Variants in OPA1 observed in about 807,000 individuals in gnomAD.
The protein encoded by OPA1 is OPA1 mitochondrial dynamin like GTPase, also known as dynamin-like GTPase OPA1, mitochondrial.
OPA1 carries 59 observed loss-of-function variants against 152.9 expected under a neutral mutation model. The observed-to-expected ratio is 0.39, with a 90% CI of 0.31 to 0.48. OPA1 has a LOEUF of 0.48. OPA1 is among the 20% of genes least tolerant of loss of function. The pLI is 0.96. For missense variants in OPA1, 1,008 were observed against 1,216.8 expected (o/e 0.83, Z 2.55); for synonymous variants, 400 against 389.9 (o/e 1.03, Z -0.31).
intron 11 of OPA1, among the ~76,000 whole-genome samples, chr3:193,642,234 G>C (rs927724470): frequency 3.3e-5 from 5 of 152,158 alleles, no homozygotes; most frequent in Non-Finnish European, 7.4e-5. Flanking sequence ...CCTAGGTTTT[G>C]TCACTCTCTT....
intron 29 of OPA1, among the ~76,000 whole-genome samples, chr3:193,674,044 C>T (rs1718483292): frequency 6.6e-6 from 1 of 152,250 alleles, no homozygotes; most frequent in Admixed American, 6.5e-5. Context: ...GGGCTCGCAG[C>T]AGCGTGCTCG....
chr3:193,662,878 G>A lies in OPA1; in HGVS notation c.2577G>A (p.Glu859=), dbSNP rs752852244. The A allele has an allele frequency of 6.2e-7, 1 of 1,613,228 alleles. No individual in the cohort carries two copies. The highest frequency in any genetic ancestry group is 8.5e-7 in the Non-Finnish European group (1 of 1,179,252). The change falls in exon 26 of 31, where the codon GAG becomes GAA. Residue 859 remains glutamate, a synonymous_variant. Coordinates refer to ENST00000361510, the MANE Select transcript of OPA1 (RefSeq NM_130837.3). ...ELEKMLKCNE[E]HPAYLASDEI... ...AGAAGATGTTGAAATGTAATGAGGA[G>A]CACCCAGCTTATCTTGCAAGTGATG...
Position 193,593,344 on chromosome 3 carries a change from G to C in OPA1, c.-34G>C. 1 of 1,539,524 alleles carries C rather than the reference G, an allele frequency of 6.5e-7. No homozygotes were observed. The highest frequency in any genetic ancestry group is 8.8e-7 in the Non-Finnish European group (1 of 1,141,504). ...CTCACACGGGGGCTCCCGCGTGGCC[G>C]TCTCGGCGCCTGCGTGACCTCCCCG... On this transcript the variant is annotated 5_prime_UTR_variant, in exon 1 of 31. Transcript: ENST00000361510.
At chr3:193,676,538 C>T (rs905534546) in intron 29 of OPA1, among the ~76,000 whole-genome samples, 3 of 152,226 alleles carry the variant, frequency 2.0e-5, no homozygotes, top group African/African-American at 7.2e-5. Context: ...GGAAAGTCCT[C>T]TCTGTTAGAG....
chr3:193,608,392 G>C (rs948772071), intron 1 of OPA1, among the ~76,000 whole-genome samples: 18 of 152,066 alleles, frequency 1.2e-4, no homozygotes, highest in Non-Finnish European at 1.9e-4. Flanking sequence ...CAGAGATTCT[G>C]GTATGTTGTG....
At chr3:193,599,500 A>G (rs1431204838) in intron 1 of OPA1, among the ~76,000 whole-genome samples, 1 of 151,654 alleles carries the variant, frequency 6.6e-6, no homozygotes, top group East Asian at 1.9e-4. Context: ...TTTGAACCAC[A>G]GCAAGGTGCA....
intron 18 of OPA1, 60 bp from the exon 19 acceptor site, chr3:193,647,005 G>A: frequency 9.4e-7 from 1 of 1,062,208 alleles, no homozygotes; most frequent in Non-Finnish European, 1.4e-6. Context: ...CTTGGTGGTA[G>A]TATTGTTGTC....
At chr3:193,631,788 A>G (rs1395883996) in intron 8 of OPA1, 123 bp downstream of exon 8, 1 of 774,210 alleles carries the variant, frequency 1.3e-6, no homozygotes, top group Non-Finnish European at 2.3e-6. Context: ...ATAGAACCTT[A>G]TTATTATCGA....
intron 24 of OPA1, 76 bp downstream of exon 24, chr3:193,659,071 A>G: frequency 1.0e-6 from 1 of 972,892 alleles, no homozygotes; most frequent in Non-Finnish European, 1.7e-6. Context: ...GAACATTTGT[A>G]GAAATAGATT....
intron 8 of OPA1, 59 bp downstream of exon 8, chr3:193,631,724 T>G: frequency 7.1e-7 from 1 of 1,410,288 alleles, no homozygotes; most frequent in Non-Finnish European, 1.0e-6. Flanking sequence ...GAATGTAACT[T>G]TGGTGATATG....
chr3:193,613,036 A>G (rs1330473936), intron 1 of OPA1, among the ~76,000 whole-genome samples: 2 of 152,212 alleles, frequency 1.3e-5, no homozygotes, highest in African/African-American at 4.8e-5. Context: ...TTTTTCTTCA[A>G]ATCCCACTTC....
chr3:193,637,035 T>A (rs1282069613), intron 9 of OPA1, among the ~76,000 whole-genome samples, 160 bp from the exon 10 acceptor site: 2 of 152,250 alleles, frequency 1.3e-5, no homozygotes, highest in Admixed American at 6.5e-5. Flanking sequence ...CTGTACCGTT[T>A]TAGTTTTTAC....
At chr3:193,622,071 G>C (rs983076461) in intron 6 of OPA1, among the ~76,000 whole-genome samples, 5 of 151,994 alleles carry the variant, frequency 3.3e-5, no homozygotes, top group African/African-American at 1.2e-4. Flanking sequence ...AAGAAATATG[G>C]CGATTCAGAA....
At chr3:193,676,031 T>C (rs1025561715) in intron 29 of OPA1, among the ~76,000 whole-genome samples, 2 of 152,224 alleles carry the variant, frequency 1.3e-5, no homozygotes, top group Admixed American at 6.5e-5. Flanking sequence ...CTTCCTAATA[T>C]CGTGCAGTCT....
chr3:193,616,152 CAT>C (rs1381210905), intron 3 of OPA1, among the ~76,000 whole-genome samples: 2 of 152,134 alleles, frequency 1.3e-5, no homozygotes, highest in African/African-American at 4.8e-5. Flanking sequence ...GCCGGGACTA[CAT>C]GTGTGTGCCA....
At chr3:193,598,985 G>A (rs78614431) in intron 1 of OPA1, among the ~76,000 whole-genome samples, 66 of 152,272 alleles carry the variant, frequency 4.3e-4, no homozygotes, top group African/African-American at 1.5e-3. Context: ...GGTCACGCTG[G>A]ATAAAACCTT....
chr3:193,643,732 AT>A (rs1426915064), intron 15 of OPA1, 105 bp downstream of exon 15: 5 of 1,070,938 alleles, frequency 4.7e-6, no homozygotes, highest in Non-Finnish European at 5.5e-6. Flanking sequence ...AGATAAATGC[AT>A]TTTTGCCTTC....
intron 21 of OPA1, among the ~76,000 whole-genome samples, chr3:193,654,218 A>G (rs1713229079): frequency 6.6e-6 from 1 of 152,216 alleles, no homozygotes; most frequent in Non-Finnish European, 1.5e-5. Context: ...AAATATTGCT[A>G]GATGCGGTGT....
chr3:193,610,333 G>A (rs1199207406), intron 1 of OPA1, among the ~76,000 whole-genome samples: 7 of 152,310 alleles, frequency 4.6e-5, no homozygotes, highest in Non-Finnish European at 7.3e-5. Flanking sequence ...TATCAGCAGC[G>A]GAGGCTGCAG....
Sources: allele counts gnomAD v4.1 joint callset (sites outside exome capture counted in the v4.1 genomes callset), GRCh38; gene constraint gnomAD v4.1.1; transcripts MANE v1.5; gene names NCBI Gene and HGNC (gene_info 2026-07-23, HGNC 2026-07-21).